APAF1: variants seen among roughly 807,000 people sequenced by gnomAD.
The protein encoded by APAF1 is apoptotic peptidase activating factor 1, also known as apoptotic protease-activating factor 1.
Under a neutral mutation model 152.4 loss-of-function variants are expected in APAF1, and 91 were observed. The ratio of observed to expected loss-of-function variants is 0.60; its 90% CI spans 0.50 to 0.71. APAF1 has a LOEUF of 0.71. Among genes scored for constraint, APAF1 ranks in the 30% least tolerant of loss-of-function variants. The pLI is 0.00. For synonymous variants in APAF1, 484 were observed against 494.1 expected, an observed-to-expected ratio of 0.98 and a Z score of 0.27; for missense variants, 1,283 against 1,472.0, an observed-to-expected ratio of 0.87 and a Z score of 2.10.
chr12:98,706,702 A>G (rs2153337568), intron 19 of APAF1, 92 bp downstream of exon 19: 2 of 1,447,696 alleles, frequency 1.4e-6, no homozygotes, highest in Admixed American at 1.7e-5. Context: ...CACTGAGGTA[A>G]GCAGAATAGG....
intron 16 of APAF1, among the ~76,000 whole-genome samples, chr12:98,690,768 C>CT (rs938070550): frequency 7.2e-5 from 11 of 152,196 alleles, no homozygotes; most frequent in African/African-American, 2.7e-4. Flanking sequence ...TCTTAAGCCC[C>CT]TAACCCTTTT....
At chr12:98,682,552 T>C (rs1565873593) in intron 14 of APAF1, among the ~76,000 whole-genome samples, 1 of 152,258 alleles carries the variant, frequency 6.6e-6, no homozygotes. Context: ...GGTTGAAAGC[T>C]GGGTTTCTCT....
chr12:98,691,479 T>A (rs1206514971), intron 16 of APAF1, among the ~76,000 whole-genome samples: 1 of 152,188 alleles, frequency 6.6e-6, no homozygotes, highest in Admixed American at 6.5e-5. Context: ...GCTTCTTAAG[T>A]CATCTATACT....
intron 26 of APAF1, among the ~76,000 whole-genome samples, chr12:98,731,347 T>C (rs745533546): frequency 1.1e-4 from 16 of 152,082 alleles, no homozygotes; most frequent in Non-Finnish European, 2.2e-4. Flanking sequence ...GTAATTAGGG[T>C]TTGTTCTTGG....
At chr12:98,703,069 T>C (rs1046537151) in intron 17 of APAF1, among the ~76,000 whole-genome samples, 2 of 152,230 alleles carry the variant, frequency 1.3e-5, no homozygotes, top group African/African-American at 4.8e-5. Context: ...TAGGGAGAAC[T>C]ACTCTGTATG....
chr12:98,686,052 T>C (rs2097697713), intron 15 of APAF1, among the ~76,000 whole-genome samples: 1 of 152,218 alleles, frequency 6.6e-6, no homozygotes, highest in South Asian at 2.1e-4. Flanking sequence ...CATACTATTA[T>C]CACACCTAAC....
intron 4 of APAF1, among the ~76,000 whole-genome samples, chr12:98,655,864 A>G (rs1400468105): frequency 2.0e-5 from 3 of 151,892 alleles, no homozygotes; most frequent in Non-Finnish European, 4.4e-5. Flanking sequence ...GCTCACTGCA[A>G]GCTCGGCCTC....
Position 98,732,814 on chromosome 12 carries a change from C to T in APAF1, c.*248C>T, listed in dbSNP as rs1440475633. 6.6e-6 allele frequency: 3 copies of T among 454,172 alleles called. No individual in the cohort carries two copies. The highest frequency in any genetic ancestry group is 5.9e-5 in the African/African-American group (3 of 50,590). 28.1% of individuals were successfully genotyped at this position (454,172 alleles called of 1,614,324 possible). ...TAGGATGCAAATGAAAATGTGAATACATACCTTGTTGTACTGTTGGTAAAA... is the reference window on the plus strand; with the variant it reads ...TAGGATGCAAATGAAAATGTGAATATATACCTTGTTGTACTGTTGGTAAAA... On this transcript the variant is annotated 3_prime_UTR_variant, in exon 27 of 27. Coordinates refer to ENST00000551964, the MANE Select transcript of APAF1 (RefSeq NM_181861.2).
chr12:98,734,139 T>C lies in APAF1; in HGVS notation c.*1573T>C, dbSNP rs559484281. On this transcript the variant is annotated 3_prime_UTR_variant, in exon 27 of 27. Transcript: ENST00000551964. Reference sequence around the variant, plus strand: ...ATGAATTTCAAGAGAATTCTCTGGTTTTCTGTGTAATTCCAGATGAGTCAC... The same window carrying C: ...ATGAATTTCAAGAGAATTCTCTGGTCTTCTGTGTAATTCCAGATGAGTCAC... The C allele has an allele frequency of 3.3e-5, 5 of 152,336 alleles. No individual in the cohort carries two copies. In the South Asian group the frequency reaches 1.0e-3, roughly 32 times the overall value. The allele number at this position is 152,336 out of a possible 1,614,324, so 9.4% of individuals were successfully genotyped here.
chr12:98,728,911 A>G (rs1593126283), intron 26 of APAF1, among the ~76,000 whole-genome samples: 1 of 152,154 alleles, frequency 6.6e-6, no homozygotes, highest in East Asian at 1.9e-4. Flanking sequence ...TTTTTGATGT[A>G]TCTTTTATCT....
At chr12:98,667,409 C>G in intron 9 of APAF1, 104 bp from the exon 10 acceptor site, 1 of 1,429,790 alleles carries the variant, frequency 7.0e-7, no homozygotes, top group Non-Finnish European at 9.7e-7. Context: ...AGCCACCGAG[C>G]CCGGCCTCTC....
chr12:98,710,320 TA>T (rs1412620536), intron 20 of APAF1, among the ~76,000 whole-genome samples: 2 of 152,142 alleles, frequency 1.3e-5, no homozygotes, highest in East Asian at 3.8e-4. Flanking sequence ...AGTGCTTTAT[TA>T]ACTTCTAGGG....
At chr12:98,723,013 A>G (rs966249799) in intron 22 of APAF1, among the ~76,000 whole-genome samples, 180 bp from the exon 23 acceptor site, 5 of 152,212 alleles carry the variant, frequency 3.3e-5, no homozygotes, top group African/African-American at 1.2e-4. Context: ...GTCAATTTAC[A>G]TAACCGCAGC....
intron 10 of APAF1, among the ~76,000 whole-genome samples, chr12:98,669,198 T>C (rs1353405734): frequency 6.6e-6 from 1 of 152,234 alleles, no homozygotes. Flanking sequence ...TTGGTCCTTA[T>C]GATGTAATGA....
intron 17 of APAF1, among the ~76,000 whole-genome samples, chr12:98,702,773 T>C (rs1197553757): frequency 6.7e-6 from 1 of 149,824 alleles, no homozygotes; most frequent in Non-Finnish European, 1.5e-5. Context: ...TGCAGTGAGC[T>C]GAGATCGCCC....
chr12:98,695,275 A>G (rs2097708542), intron 16 of APAF1, among the ~76,000 whole-genome samples: 1 of 151,102 alleles, frequency 6.6e-6, no homozygotes, highest in African/African-American at 2.4e-5. Flanking sequence ...CTGGTCTTGA[A>G]CTTCTGACCT....
At chr12:98,685,419 T>C (rs1486572542) in intron 15 of APAF1, among the ~76,000 whole-genome samples, 1 of 150,368 alleles carries the variant, frequency 6.7e-6, no homozygotes, top group East Asian at 2.0e-4. Context: ...CACTGCAACC[T>C]CTGCCTCCCG....
At chr12:98,728,691 C>T (rs1309476344) in intron 26 of APAF1, among the ~76,000 whole-genome samples, 1 of 152,156 alleles carries the variant, frequency 6.6e-6, no homozygotes, top group Non-Finnish European at 1.5e-5. Flanking sequence ...CCACTGTACT[C>T]CAGCCTGGGC....
chr12:98,698,029 G>T (rs992882666), intron 16 of APAF1, among the ~76,000 whole-genome samples: 4 of 152,140 alleles, frequency 2.6e-5, no homozygotes, highest in Non-Finnish European at 4.4e-5. Context: ...TGAAATGCTG[G>T]TATTAGTTTA....
Sources: allele counts gnomAD v4.1 joint callset (sites outside exome capture counted in the v4.1 genomes callset), GRCh38; gene constraint gnomAD v4.1.1; transcripts MANE v1.5; gene names NCBI Gene and HGNC (gene_info 2026-07-23, HGNC 2026-07-21).